Variants in SLC9A5 observed in about 807,000 individuals in gnomAD.
SLC9A5 encodes sodium/hydrogen exchanger 5.
Under a neutral mutation model 91.7 loss-of-function variants are expected in SLC9A5, and 52 were observed. The observed-to-expected ratio is 0.57, with a 90% CI of 0.45 to 0.71. The LOEUF is 0.71. Among genes scored for constraint, SLC9A5 ranks in the 30% least tolerant of loss-of-function variants. The probability of loss-of-function intolerance (pLI) is 0.00; values close to 1 mark genes in which losing one functional copy is unlikely to be tolerated. For missense variants in SLC9A5, 871 were observed against 1,158.9 expected (o/e 0.75, Z 3.61); for synonymous variants, 419 against 474.5 (o/e 0.88, Z 1.52).
chr16:67,250,155 C>T (rs1016662489), intron 1 of SLC9A5, among the ~76,000 whole-genome samples: 2 of 152,242 alleles, frequency 1.3e-5, no homozygotes, highest in Non-Finnish European at 2.9e-5. Flanking sequence ...ATTTGCCCCT[C>T]TTCTCCCACA....
At chr16:67,267,272 GATGGGGTGTCTCC>G (rs1338770900) in intron 15 of SLC9A5, among the ~76,000 whole-genome samples, 1 of 151,792 alleles carries the variant, frequency 6.6e-6, no homozygotes, top group East Asian at 1.9e-4. Context: ...TTTTAGTAGA[GATGGGGTGTCTCC>G]ATGTTGGTCA....
At chr16:67,254,872 C>A in intron 2 of SLC9A5, 149 bp from the exon 3 acceptor site, 1 of 679,904 alleles carries the variant, frequency 1.5e-6, no homozygotes, top group Non-Finnish European at 2.4e-6. Flanking sequence ...TCCTGATCTG[C>A]AGGCTAATGC....
chr16:67,249,458 G>A (rs980324690), intron 1 of SLC9A5, among the ~76,000 whole-genome samples: 8 of 152,264 alleles, frequency 5.3e-5, no homozygotes, highest in Admixed American at 1.3e-4. Flanking sequence ...TCCATCTGTA[G>A]GCTCCTTTGC....
At position 67,257,686 on chromosome 16, in the gene SLC9A5, G is replaced by C; in HGVS notation, c.1496+85G>C. ...GGGGGATGTGCCACACTTCTGAGAA[G>C]GGACAGAGCCAGGTTCAGGCTGGGT... On this transcript the variant is annotated intron_variant, in intron 9 of 15. Transcript: ENST00000299798. The surrounding 1 kb of genome is among the most constrained non-coding windows in gnomAD (Gnocchi z 5.1). The C allele has an allele frequency of 1.4e-6, 2 of 1,421,626 alleles. No homozygotes were observed. The highest frequency in any genetic ancestry group is 2.0e-6 in the Non-Finnish European group (2 of 1,010,114). 88.1% of individuals were successfully genotyped at this position (1,421,626 alleles called of 1,614,324 possible). A position where few individuals can be genotyped will look rare whatever the true frequency, so the allele number is the denominator to read the frequency against.
At chr16:67,254,997 T>C in intron 2 of SLC9A5, 24 bp from the exon 3 acceptor site, 1 of 1,599,280 alleles carries the variant, frequency 6.3e-7, no homozygotes, top group Non-Finnish European at 8.6e-7. Context: ...ATGACTGGCC[T>C]GTCCTACACA....
At chr16:67,262,065 G>T in intron 12 of SLC9A5, 2 of 334,902 alleles carry the variant, frequency 6.0e-6, no homozygotes, top group South Asian at 2.4e-5. Flanking sequence ...CCTGTTAAAT[G>T]TCATCTTATT....
chr16:67,261,262 C>T (rs946990648), intron 12 of SLC9A5: 1 of 152,274 alleles, frequency 6.6e-6, no homozygotes, highest in Non-Finnish European at 1.5e-5. Flanking sequence ...TGGGGCCCCA[C>T]ATTGTCCTTA....
intron 14 of SLC9A5, among the ~76,000 whole-genome samples, chr16:67,265,884 G>A (rs374262604): frequency 1.3e-5 from 2 of 152,254 alleles, no homozygotes; most frequent in East Asian, 3.9e-4. Flanking sequence ...TCCTCTGGTC[G>A]CTTCCTTGGG....
Position 67,257,383 on chromosome 16 carries a change from G to A in SLC9A5, c.1374G>A (p.Val458=), listed in dbSNP as rs2035359051. 3 of 1,614,082 alleles carry A rather than the reference G, an allele frequency of 1.9e-6. No homozygotes were observed. The highest frequency in any genetic ancestry group is 1.7e-6 in the Non-Finnish European group (2 of 1,180,018). The change falls in exon 8 of 16, where the codon GTG becomes GTA. Residue 458 remains valine (V), a synonymous_variant. Transcript: ENST00000299798. This position sits in a 1 kb window ranked among gnomAD's most constrained non-coding sequence, Gnocchi z 5.1. ...TIKPLVKWLK[V]KRSEHHKPTL... is the part of the protein sequence containing the mutation. ...AGCCACTGGTCAAATGGCTGAAGGTGAAGAGGAGTGAGCATCACAAACCCA... is the reference window on the plus strand; with the variant it reads ...AGCCACTGGTCAAATGGCTGAAGGTAAAGAGGAGTGAGCATCACAAACCCA...
chr16:67,265,741 GAGCTGAATGTTA>G (rs1442144034), intron 14 of SLC9A5, among the ~76,000 whole-genome samples: 4 of 152,264 alleles, frequency 2.6e-5, no homozygotes, highest in Middle Eastern at 6.8e-3. Flanking sequence ...AGTTTTGTAT[GAGCTGAATGTTA>G]ATGGGCCTTC....
Position 67,258,557 on chromosome 16 carries a change from CT to C in SLC9A5, c.1626+111del. 4 of 1,306,382 alleles carry C rather than the reference CT, an allele frequency of 3.1e-6. No homozygotes were observed. The South Asian group carries it at 5.0e-5, about 16-fold the overall frequency. 80.9% of individuals were successfully genotyped at this position (1,306,382 alleles called of 1,614,324 possible). A position where few individuals can be genotyped will look rare whatever the true frequency, so the allele number is the denominator to read the frequency against. Reference sequence around the variant, plus strand: ...GCCCTGAGCAGGGAGTTGGGAATTCCTAGCTGGCTCCATGGTCTGGTGAAGT... The same window carrying C: ...GCCCTGAGCAGGGAGTTGGGAATTCCAGCTGGCTCCATGGTCTGGTGAAGT... On this transcript the variant is annotated intron_variant, in intron 10 of 15. Transcript: ENST00000299798. This position sits in a 1 kb window ranked among gnomAD's most constrained non-coding sequence, Gnocchi z 4.5.
Position 67,258,740 on chromosome 16 carries a change from A to G in SLC9A5, c.1626+293A>G, listed in dbSNP as rs2035410093. Among the ~76,000 whole-genome samples the G allele has an allele frequency of 6.6e-6, 1 of 152,200 alleles. No homozygotes were observed. The highest frequency in any genetic ancestry group is 1.5e-5 in the Non-Finnish European group (1 of 68,032). ...GCACACTCTCTGAGCCTGTTTCCTT[A>G]GCTGTAAGAAAGCAGGCATAAGAGG... On this transcript the variant is annotated intron_variant, in intron 10 of 15. Transcript: ENST00000299798. This position sits in a 1 kb window ranked among gnomAD's most constrained non-coding sequence, Gnocchi z 4.5.
At chr16:67,259,797 C>T in intron 11 of SLC9A5, 23 bp from the exon 12 acceptor site, 1 of 1,612,898 alleles carries the variant, frequency 6.2e-7, no homozygotes, top group African/African-American at 1.3e-5. Flanking sequence ...CTCTCCAGCA[C>T]ATGTGTCCCC....
rs1025477770 is a variant in SLC9A5 at position 67,255,672 on chromosome 16, C to T, written c.734-81C>T. 8.2e-6 allele frequency: 12 copies of T among 1,457,970 alleles called. No homozygotes were observed. The highest frequency in any genetic ancestry group is 2.0e-5 in the Admixed American group (1 of 50,392). The allele number at this position is 1,457,970 out of a possible 1,614,324, so 90.3% of individuals were successfully genotyped here. A position where few individuals can be genotyped will look rare whatever the true frequency, so the allele number is the denominator to read the frequency against. On this transcript the variant is annotated intron_variant, in intron 4 of 15. Transcript: ENST00000299798. The surrounding 1 kb of genome is among the most constrained non-coding windows in gnomAD (Gnocchi z 4.9). ...TGGGAGTGCGGTGGGCATCATCCCT[C>T]ACTCCCTGCCAGGCAGCAGTCTTGT...
chr16:67,251,115 GA>G (rs2035100049), intron 1 of SLC9A5, among the ~76,000 whole-genome samples: 1 of 152,144 alleles, frequency 6.6e-6, no homozygotes, highest in African/African-American at 2.4e-5. Context: ...TACAAAAGAA[GA>G]AATTGAAGTT....
intron 1 of SLC9A5, 50 bp downstream of exon 1, chr16:67,249,251 C>T (rs1206476870): frequency 4.6e-6 from 6 of 1,309,576 alleles, no homozygotes; most frequent in Non-Finnish European, 4.9e-6. Flanking sequence ...GCGGACCCGC[C>T]CCCAACACCC....
At position 67,271,284 on chromosome 16, in the gene SLC9A5, G is replaced by A. The variant is rs769093399; in HGVS notation, c.*74G>A. 11 of 1,330,610 alleles carry A rather than the reference G, an allele frequency of 8.3e-6. No homozygotes were observed. Among genetic ancestry groups the A allele is most frequent in the Middle Eastern group, 1.8e-4 (1 of 5,522 alleles). The allele number at this position is 1,330,610 out of a possible 1,614,324, so 82.4% of individuals were successfully genotyped here. On this transcript the variant is annotated 3_prime_UTR_variant, in exon 16 of 16. Transcript: ENST00000299798. Reference sequence around the variant, plus strand: ...TCCCTGGGTGATGGGTAGAGCCCTCGAAACTTGACATGGGGCCAGAAGGGC... The same window carrying A: ...TCCCTGGGTGATGGGTAGAGCCCTCAAAACTTGACATGGGGCCAGAAGGGC...
rs372656960 is a variant in SLC9A5 at position 67,266,047 on chromosome 16, G to C, written c.2081-41G>C. ...GGCTGTGTAGTCCCAACAGGCAGCT[G>C]CCAGCCCAGGATGCCTGACTCTGCT... On this transcript the variant is annotated intron_variant, in intron 14 of 15. Transcript: ENST00000299798. 9 of 1,605,730 alleles carry C rather than the reference G, an allele frequency of 5.6e-6. No homozygotes were observed. In the African/African-American group the frequency reaches 8.1e-5, roughly 14 times the overall value.
In SLC9A5 at chr16:67,255,145, C is replaced by T. The variant is rs368560910; in HGVS notation, c.615C>T (p.Ile205=). The change falls in exon 3 of 16, where the codon ATC becomes ATT. Residue 205 remains isoleucine (I), a synonymous_variant. Coordinates refer to ENST00000299798, the MANE Select transcript of SLC9A5 (RefSeq NM_004594.3). This position sits in a 1 kb window ranked among gnomAD's most constrained non-coding sequence, Gnocchi z 4.9. The part of the protein sequence containing the change: ...EVHVNETLFI[I]VFGESLLNDA... ...ACGTCAATGAGACTCTCTTTATCATCGTCTTTGGCGAGTCCCTGCTCAACG... is the reference window on the plus strand; with the variant it reads ...ACGTCAATGAGACTCTCTTTATCATTGTCTTTGGCGAGTCCCTGCTCAACG... The T allele has an allele frequency of 1.2e-5, 20 of 1,613,918 alleles. No homozygotes were observed. The East Asian group carries it at 1.3e-4, about 11-fold the overall frequency.
Sources: gnomAD v4.1 joint callset for allele counts (sites outside exome capture counted in the v4.1 genomes callset) on GRCh38, gnomAD v4.1.1 for gene constraint, Gnocchi (gnomAD v3.1) non-coding constraint, MANE v1.5 for transcripts, NCBI Gene and HGNC (gene_info 2026-07-23, HGNC 2026-07-21) for gene names.